VPS8: variants seen among roughly 807,000 people sequenced by gnomAD.
The protein encoded by VPS8 is vacuolar protein sorting-associated protein 8 homolog.
Under a neutral mutation model 216.4 loss-of-function variants are expected in VPS8, and 129 were observed. The observed-to-expected ratio is 0.60, with a 90% CI of 0.52 to 0.69. The LOEUF (loss-of-function observed/expected upper bound fraction) is 0.69, where lower values mean the gene tolerates loss of function less well. Ranked by LOEUF, VPS8 falls within the 30% of genes least tolerant of loss-of-function variation. The probability of loss-of-function intolerance (pLI) is 0.00; values close to 1 mark genes in which losing one functional copy is unlikely to be tolerated. For synonymous variants in VPS8, 571 were observed against 565.4 expected (o/e 1.01, Z -0.14); for missense variants, 1,531 against 1,683.5 (o/e 0.91, Z 1.59).
At chr3:184,917,707 A>C (rs1356149818) in intron 28 of VPS8, among the ~76,000 whole-genome samples, 1 of 152,250 alleles carries the variant, frequency 6.6e-6, no homozygotes, top group Non-Finnish European at 1.5e-5. Flanking sequence ...CACCTGGCCA[A>C]AATTTGGACT....
chr3:184,821,916 T>G (rs1717685416), intron 1 of VPS8, among the ~76,000 whole-genome samples: 1 of 152,162 alleles, frequency 6.6e-6, no homozygotes, highest in Non-Finnish European at 1.5e-5. Flanking sequence ...AGACTCTGGC[T>G]ATCACATAAT....
intron 25 of VPS8, among the ~76,000 whole-genome samples, chr3:184,908,447 C>T (rs999647263): frequency 2.6e-5 from 4 of 152,232 alleles, no homozygotes; most frequent in South Asian, 4.1e-4. Context: ...ATGTGAGGCC[C>T]GCGGTCTTGA....
chr3:185,039,825 A>T (rs927765596), intron 46 of VPS8, among the ~76,000 whole-genome samples: 9 of 152,170 alleles, frequency 5.9e-5, no homozygotes. Flanking sequence ...CAGCGAGCTC[A>T]TTCTGCACAA....
intron 36 of VPS8, among the ~76,000 whole-genome samples, chr3:184,950,975 C>T (rs1281634914): frequency 6.6e-6 from 1 of 152,140 alleles, no homozygotes; most frequent in Non-Finnish European, 1.5e-5. Flanking sequence ...CATTGATGGG[C>T]ATTTGGCTTG....
chr3:184,982,507 G>T, intron 40 of VPS8, 59 bp from the exon 41 acceptor site: 1 of 1,284,286 alleles, frequency 7.8e-7, no homozygotes, highest in Non-Finnish European at 1.1e-6. Context: ...TTATTCTTTT[G>T]TTTTTCATTG....
intron 28 of VPS8, among the ~76,000 whole-genome samples, chr3:184,919,684 T>G (rs1738269918): frequency 6.6e-6 from 1 of 152,210 alleles, no homozygotes; most frequent in Non-Finnish European, 1.5e-5. Context: ...ATCATTTTTC[T>G]TAATTGTCAT....
intron 45 of VPS8, among the ~76,000 whole-genome samples, chr3:185,019,741 TAG>T (rs1472124828): frequency 6.6e-6 from 1 of 152,230 alleles, no homozygotes; most frequent in Non-Finnish European, 1.5e-5. Context: ...CACAATGCTG[TAG>T]AGATTTTGTT....
intron 19 of VPS8, among the ~76,000 whole-genome samples, 176 bp from the exon 20 acceptor site, chr3:184,869,306 G>A (rs531046409): frequency 7.9e-5 from 12 of 152,234 alleles, no homozygotes; most frequent in South Asian, 6.2e-4. Context: ...TATGCTATCC[G>A]GTCCAGTAGA....
intron 44 of VPS8, among the ~76,000 whole-genome samples, chr3:184,999,231 G>A (rs1753066177): frequency 6.6e-6 from 1 of 152,060 alleles, no homozygotes; most frequent in South Asian, 2.1e-4. Context: ...CTAATTTTTT[G>A]TATTTTTAGT....
chr3:184,986,924 ATATAT>A (rs555174453), intron 42 of VPS8, among the ~76,000 whole-genome samples: 204 of 152,244 alleles, frequency 1.3e-3, no homozygotes, highest in African/African-American at 4.6e-3. Flanking sequence ...ATTAATATTG[ATATAT>A]TATAATTATT....
intron 35 of VPS8, among the ~76,000 whole-genome samples, chr3:184,938,325 G>A (rs1742002405): frequency 6.6e-6 from 1 of 152,228 alleles, no homozygotes; most frequent in African/African-American, 2.4e-5. Context: ...AAAACATTAA[G>A]TGCTGAGGAT....
chr3:184,938,059 A>G (rs1350361804), intron 35 of VPS8, among the ~76,000 whole-genome samples: 1 of 152,218 alleles, frequency 6.6e-6, no homozygotes, highest in Non-Finnish European at 1.5e-5. Flanking sequence ...AAAGGAGAGC[A>G]AATGGAGGAG....
intron 22 of VPS8, among the ~76,000 whole-genome samples, chr3:184,888,675 A>G (rs191462630): frequency 6.6e-6 from 1 of 152,308 alleles, no homozygotes; most frequent in East Asian, 1.9e-4. Context: ...GTGTAGAGGT[A>G]TTTCTAGTAC....
chr3:184,966,733 TA>T lies in VPS8; in HGVS notation c.3316+21del. 1 of 1,558,672 alleles carries T rather than the reference TA, an allele frequency of 6.4e-7. No individual in the cohort carries two copies. The highest frequency in any genetic ancestry group is 8.8e-7 in the Non-Finnish European group (1 of 1,141,618). On this transcript the variant is annotated intron_variant, in intron 39 of 47. Transcript: ENST00000625842. Reference sequence around the variant, plus strand: ...GTGAAAGTAAGTTCTTGAAAATAATTACAACATTTTTCATCCTTGGACCCCA... The same window carrying T: ...GTGAAAGTAAGTTCTTGAAAATAATTCAACATTTTTCATCCTTGGACCCCA...
At chr3:184,999,549 C>T (rs2109899919) in intron 44 of VPS8, 147 bp from the exon 45 acceptor site, 1 of 929,876 alleles carries the variant, frequency 1.1e-6, no homozygotes, top group Non-Finnish European at 1.6e-6. Context: ...GCAGCAAGTA[C>T]ATTCCCTTTC....
intron 1 of VPS8, among the ~76,000 whole-genome samples, chr3:184,818,512 A>C (rs1716834859): frequency 6.9e-6 from 1 of 144,626 alleles, no homozygotes; most frequent in Admixed American, 7.2e-5. Flanking sequence ...ACAGAGGGGG[A>C]ACCTGTCTCA....
At chr3:185,041,210 GAA>G (rs1254700081) in intron 46 of VPS8, among the ~76,000 whole-genome samples, 1 of 136,376 alleles carries the variant, frequency 7.3e-6, no homozygotes, top group Non-Finnish European at 1.6e-5. Context: ...CATCTCAAAG[GAA>G]AAAAAAAAAA....
At chr3:184,952,471 C>T (rs1744868322) in intron 36 of VPS8, among the ~76,000 whole-genome samples, 1 of 152,188 alleles carries the variant, frequency 6.6e-6, no homozygotes, top group Admixed American at 6.5e-5. Flanking sequence ...TAAAGAGTTG[C>T]AACCTGCAAG....
At chr3:185,050,443 G>A (rs1229753268) in intron 47 of VPS8, among the ~76,000 whole-genome samples, 1 of 152,180 alleles carries the variant, frequency 6.6e-6, no homozygotes, top group Admixed American at 6.5e-5. Context: ...TGTCTTCCCA[G>A]TTACCACAGC....
Sources: allele counts gnomAD v4.1 joint callset (sites outside exome capture counted in the v4.1 genomes callset), GRCh38; gene constraint gnomAD v4.1.1; transcripts MANE v1.5; gene names NCBI Gene and HGNC (gene_info 2026-07-23, HGNC 2026-07-21).